The following SLC9C1 variants were observed in gnomAD, a reference collection of about 807,000 sequenced individuals.
SLC9C1 encodes sodium/hydrogen exchanger 10.
A neutral mutation model predicts 140.9 loss-of-function variants in SLC9C1; 97 were observed. The observed-to-expected ratio is 0.69, with a 90% CI of 0.58 to 0.82. SLC9C1 has a LOEUF of 0.82. Ranked by LOEUF, SLC9C1 falls within the 40% of genes least tolerant of loss-of-function variation. The pLI is 0.00. For missense variants in SLC9C1, 1,340 were observed against 1,389.3 expected, an observed-to-expected ratio of 0.96 and a Z score of 0.56; for synonymous variants, 440 against 442.6, an observed-to-expected ratio of 0.99 and a Z score of 0.07.
intron 1 of SLC9C1, among the ~76,000 whole-genome samples, chr3:112,292,160 G>T (rs1054564215): frequency 6.6e-6 from 1 of 152,012 alleles, no homozygotes; most frequent in African/African-American, 2.4e-5. Context: ...ATAACTAATG[G>T]GTGCCAGGCT....
intron 26 of SLC9C1, among the ~76,000 whole-genome samples, chr3:112,157,512 G>T (rs1357955781): frequency 6.6e-6 from 1 of 151,882 alleles, no homozygotes; most frequent in Non-Finnish European, 1.5e-5. Flanking sequence ...GGTCTTTTGT[G>T]GTTCCCTATG....
At chr3:112,288,766 A>G (rs1157414322) in intron 1 of SLC9C1, among the ~76,000 whole-genome samples, 1 of 152,084 alleles carries the variant, frequency 6.6e-6, no homozygotes, top group Admixed American at 6.5e-5. Flanking sequence ...TCTCTAAAAC[A>G]AATTTCAGAA....
chr3:112,153,817 T>C (rs1346488352), intron 27 of SLC9C1, among the ~76,000 whole-genome samples: 3 of 152,320 alleles, frequency 2.0e-5, no homozygotes, highest in Admixed American at 6.5e-5. Flanking sequence ...GAGCCCAGAT[T>C]CTTGGCCCTT....
intron 10 of SLC9C1, among the ~76,000 whole-genome samples, chr3:112,250,064 C>T (rs2079407392): frequency 7.1e-6 from 1 of 141,226 alleles, no homozygotes; most frequent in Non-Finnish European, 1.5e-5. Flanking sequence ...CCCTCCCCCT[C>T]CCCCCACCCC....
At chr3:112,191,817 TA>T (rs1439338573) in intron 20 of SLC9C1, among the ~76,000 whole-genome samples, 1 of 152,122 alleles carries the variant, frequency 6.6e-6, no homozygotes, top group Non-Finnish European at 1.5e-5. Context: ...TCTAATGTTA[TA>T]TTTTTTCATA....
intron 28 of SLC9C1, among the ~76,000 whole-genome samples, chr3:112,142,061 G>A (rs1198740508): frequency 2.6e-5 from 4 of 152,148 alleles, no homozygotes; most frequent in Non-Finnish European, 5.9e-5. Flanking sequence ...CACATTTACT[G>A]TAAGAATAAT....
chr3:112,218,221 A>T (rs1357027944), intron 14 of SLC9C1, among the ~76,000 whole-genome samples: 1 of 148,294 alleles, frequency 6.7e-6, no homozygotes, highest in African/African-American at 2.5e-5. Context: ...CGTGTATATG[A>T]TCATGTCTTG....
At chr3:112,262,682 T>C (rs1017016520) in intron 10 of SLC9C1, among the ~76,000 whole-genome samples, 4 of 151,860 alleles carry the variant, frequency 2.6e-5, no homozygotes, top group African/African-American at 9.7e-5. Flanking sequence ...GTGCACCTTT[T>C]ATGCCAGGTA....
intron 20 of SLC9C1, among the ~76,000 whole-genome samples, chr3:112,192,036 G>A (rs1028544081): frequency 1.0e-4 from 15 of 149,226 alleles, no homozygotes; most frequent in African/African-American, 3.7e-4. Context: ...ATTTAGTAGA[G>A]CAAACATCCC....
intron 12 of SLC9C1, among the ~76,000 whole-genome samples, chr3:112,233,448 CAT>C (rs1240113984): frequency 6.6e-6 from 1 of 152,034 alleles, no homozygotes; most frequent in Non-Finnish European, 1.5e-5. Flanking sequence ...ACACATAAAA[CAT>C]ATATTTTATT....
intron 26 of SLC9C1, among the ~76,000 whole-genome samples, chr3:112,157,124 T>C (rs2075147286): frequency 1.3e-5 from 2 of 151,196 alleles, no homozygotes; most frequent in African/African-American, 4.9e-5. Flanking sequence ...TTTTCCCAAC[T>C]TTTTTTTTGT....
intron 26 of SLC9C1, among the ~76,000 whole-genome samples, chr3:112,166,198 C>T (rs2077131059): frequency 6.6e-6 from 1 of 152,230 alleles, no homozygotes; most frequent in African/African-American, 2.4e-5. Context: ...ATAGGGAATT[C>T]CCTAACCCCT....
intron 5 of SLC9C1, among the ~76,000 whole-genome samples, chr3:112,277,416 C>T (rs1248938997): frequency 1.3e-5 from 2 of 152,138 alleles, no homozygotes; most frequent in Admixed American, 6.6e-5. Flanking sequence ...GTTCTGTTGG[C>T]TCAAGGTAGA....
At chr3:112,212,598 G>A (rs2078240480) in intron 15 of SLC9C1, among the ~76,000 whole-genome samples, 1 of 152,176 alleles carries the variant, frequency 6.6e-6, no homozygotes, top group African/African-American at 2.4e-5. Flanking sequence ...CTGGAAGAAA[G>A]GGTATCAGTG....
At chr3:112,263,755 A>C (rs188046096) in intron 9 of SLC9C1, among the ~76,000 whole-genome samples, 3 of 151,812 alleles carry the variant, frequency 2.0e-5, no homozygotes, top group Non-Finnish European at 4.4e-5. Context: ...GACTTTTTCT[A>C]CCTCTTAACA....
intron 1 of SLC9C1, 89 bp from the exon 2 acceptor site, chr3:112,286,967 G>A (rs146646984): frequency 6.7e-4 from 312 of 463,358 alleles, no homozygotes; most frequent in Admixed American, 2.3e-3. Context: ...ATTATTTCTA[G>A]TGATTTCTCG....
intron 13 of SLC9C1, among the ~76,000 whole-genome samples, 173 bp downstream of exon 13, chr3:112,231,188 T>TTC (rs1431042006): frequency 2.0e-4 from 29 of 147,280 alleles, no homozygotes; most frequent in Admixed American, 6.0e-4. Flanking sequence ...CTTTCTTTCC[T>TTC]CTCTCTCTTT....
At chr3:112,260,804 T>C (rs954731607) in intron 10 of SLC9C1, among the ~76,000 whole-genome samples, 1 of 152,116 alleles carries the variant, frequency 6.6e-6, no homozygotes, top group African/African-American at 2.4e-5. Context: ...GCCTTTACAA[T>C]ATCCATTCAG....
intron 27 of SLC9C1, among the ~76,000 whole-genome samples, 161 bp downstream of exon 27, chr3:112,154,836 C>T (rs2075082237): frequency 1.3e-5 from 2 of 152,130 alleles, no homozygotes; most frequent in East Asian, 1.9e-4. Context: ...AGTATAATTT[C>T]CACTGTACCC....
Sources: allele counts gnomAD v4.1 joint callset (sites outside exome capture counted in the v4.1 genomes callset), GRCh38; gene constraint gnomAD v4.1.1; transcripts MANE v1.5; gene names NCBI Gene and HGNC (gene_info 2026-07-23, HGNC 2026-07-21).